Variants in NINL observed in about 807,000 individuals in gnomAD.
The protein encoded by NINL is ninein like.
Under a neutral mutation model 160.3 loss-of-function variants are expected in NINL, and 153 were observed. The ratio of observed to expected loss-of-function variants is 0.95; its 90% CI spans 0.84 to 1.09. The LOEUF (loss-of-function observed/expected upper bound fraction) is 1.09, where lower values mean the gene tolerates loss of function less well. Among genes scored for constraint, NINL ranks in the 50% least tolerant of loss-of-function variants. The pLI is 0.00. For synonymous variants in NINL, 800 were observed against 734.8 expected (o/e 1.09, Z -1.43); for missense variants, 1,829 against 1,764.0 (o/e 1.04, Z -0.66).
rs2063401173 is a variant in NINL, at chr20:25,482,068, A to C, written c.1710T>G (p.Ala570=). Reference sequence around the variant, plus strand: ...GCCGCGCCCACAGGCCTTCCAGCTCAGCTTGCAGCTCATCGTTGCGGTCCT... The same window carrying C: ...GCCGCGCCCACAGGCCTTCCAGCTCCGCTTGCAGCTCATCGTTGCGGTCCT... ...DLQDRNDELQ[A]ELEGLWARLP... Residue 570 remains alanine, a synonymous_variant, in exon 14 of 24, where the codon GCT becomes GCG. Coordinates refer to ENST00000278886, the MANE Select transcript of NINL (RefSeq NM_025176.6). The C allele has an allele frequency of 2.5e-6, 4 of 1,598,360 alleles. No individual in the cohort carries two copies. In the East Asian group the frequency reaches 8.9e-5, roughly 36 times the overall value.
chr20:25,484,106 C>A (rs567113808), intron 13 of NINL, among the ~76,000 whole-genome samples: 2 of 152,216 alleles, frequency 1.3e-5, no homozygotes, highest in Non-Finnish European at 2.9e-5. Flanking sequence ...CCAGCCCACA[C>A]GGCACATCAT....
chr20:25,539,119 T>C (rs2064613172), intron 1 of NINL, among the ~76,000 whole-genome samples: 1 of 152,086 alleles, frequency 6.6e-6, no homozygotes, highest in African/African-American at 2.4e-5. Flanking sequence ...CAGAATCCAG[T>C]GTCCAATTTC....
At chr20:25,536,879 C>G (rs1005057997) in intron 1 of NINL, among the ~76,000 whole-genome samples, 1 of 152,048 alleles carries the variant, frequency 6.6e-6, no homozygotes, top group African/African-American at 2.4e-5. Context: ...CACTGGGGAG[C>G]CTAGAGAGTA....
At chr20:25,495,724 CA>C (rs2063739528) in intron 10 of NINL, among the ~76,000 whole-genome samples, 1 of 152,260 alleles carries the variant, frequency 6.6e-6, no homozygotes, top group African/African-American at 2.4e-5. Flanking sequence ...CCCAGGCAGA[CA>C]TGTGCCCCAC....
At chr20:25,572,933 T>C (rs1350522849) in intron 1 of NINL, among the ~76,000 whole-genome samples, 4 of 152,222 alleles carry the variant, frequency 2.6e-5, no homozygotes, top group Non-Finnish European at 4.4e-5. Context: ...CCATCTGTTA[T>C]AAAACTGAGA....
chr20:25,524,296 G>C (rs73109499), intron 2 of NINL, among the ~76,000 whole-genome samples: 19,781 of 152,262 alleles, frequency 0.13, 2,038 homozygotes, highest in East Asian at 0.57. Flanking sequence ...AAATGTTACA[G>C]AGAGAAGAGA....
intron 1 of NINL, among the ~76,000 whole-genome samples, chr20:25,537,788 G>A (rs2064586128): frequency 6.6e-6 from 1 of 152,164 alleles, no homozygotes; most frequent in African/African-American, 2.4e-5. Flanking sequence ...GGGCGCAGCT[G>A]CCTCAGGACA....
chr20:25,575,481 G>T (rs2065104905), intron 1 of NINL, among the ~76,000 whole-genome samples: 1 of 150,252 alleles, frequency 6.7e-6, no homozygotes, highest in African/African-American at 2.5e-5. Flanking sequence ...GGCCAGGTGT[G>T]GTGGCTTGCG....
At chr20:25,513,588 G>A (rs545068431) in intron 3 of NINL, among the ~76,000 whole-genome samples, 1 of 152,326 alleles carries the variant, frequency 6.6e-6, no homozygotes, top group South Asian at 2.1e-4. Context: ...AGTTAATATA[G>A]TTTGACTTTG....
chr20:25,453,007 C>T lies in NINL; in HGVS notation c.*444G>A, dbSNP rs760518333. 6.5e-6 allele frequency: 1 copy of T among 153,124 alleles called. No homozygotes were observed. The highest frequency in any genetic ancestry group is 2.4e-5 in the African/African-American group (1 of 41,418). 9.5% of individuals were successfully genotyped at this position (153,124 alleles called of 1,614,324 possible). ...TTTCTGGAATGTGTGTACGCACCCT[C>T]CACCAAGAGTTCTAATAAGCTAAGC... On this transcript the variant is annotated 3_prime_UTR_variant, in exon 24 of 24. Transcript: ENST00000278886.
At chr20:25,478,279 G>A (rs1365283517) in intron 16 of NINL, among the ~76,000 whole-genome samples, 1 of 152,160 alleles carries the variant, frequency 6.6e-6, no homozygotes, top group Non-Finnish European at 1.5e-5. Flanking sequence ...GCTGGGGGTG[G>A]CCTGGCCAGT....
At chr20:25,573,068 G>C (rs950941514) in intron 1 of NINL, among the ~76,000 whole-genome samples, 1 of 152,052 alleles carries the variant, frequency 6.6e-6, no homozygotes, top group African/African-American at 2.4e-5. Flanking sequence ...AGGCCGAGGC[G>C]GGCGGATCAC....
intron 1 of NINL, among the ~76,000 whole-genome samples, chr20:25,559,107 G>C (rs571324207): frequency 6.6e-6 from 1 of 152,334 alleles, no homozygotes; most frequent in African/African-American, 2.4e-5. Context: ...ATCACGTGAT[G>C]ACCTGCACAG....
intron 5 of NINL, among the ~76,000 whole-genome samples, chr20:25,507,392 G>A (rs1479957407): frequency 6.6e-6 from 1 of 152,148 alleles, no homozygotes; most frequent in Non-Finnish European, 1.5e-5. Flanking sequence ...TCTTCTTGAT[G>A]TGTTTGAAGC....
At chr20:25,459,613 AC>A (rs1375570252) in intron 21 of NINL, among the ~76,000 whole-genome samples, 1 of 151,682 alleles carries the variant, frequency 6.6e-6, no homozygotes, top group African/African-American at 2.4e-5. Context: ...ACATCTACCC[AC>A]CCAGGAAGGC....
At chr20:25,489,076 G>A (rs1266277606) in intron 13 of NINL, 168 bp downstream of exon 13, 4 of 664,810 alleles carry the variant, frequency 6.0e-6, no homozygotes, top group East Asian at 2.6e-5. Context: ...AGGTGGCAAC[G>A]AGAGCCAGGG....
chr20:25,517,696 C>T (rs2064185649), intron 3 of NINL, 57 bp downstream of exon 3: 5 of 1,309,352 alleles, frequency 3.8e-6, no homozygotes, highest in Non-Finnish European at 5.3e-6. Context: ...TAGAATATTA[C>T]ACTCCAAAAG....
At chr20:25,537,607 C>T (rs1043881841) in intron 1 of NINL, among the ~76,000 whole-genome samples, 1 of 152,156 alleles carries the variant, frequency 6.6e-6, no homozygotes, top group Admixed American at 6.5e-5. Flanking sequence ...GATGCAGCGC[C>T]CCACATGCAC....
At chr20:25,522,248 T>C (rs1487756289) in intron 2 of NINL, among the ~76,000 whole-genome samples, 1 of 152,238 alleles carries the variant, frequency 6.6e-6, no homozygotes, top group Non-Finnish European at 1.5e-5. Context: ...ACTGATTTAT[T>C]TGCTCTTTAC....
Sources: allele counts gnomAD v4.1 joint callset (sites outside exome capture counted in the v4.1 genomes callset), GRCh38; gene constraint gnomAD v4.1.1; transcripts MANE v1.5; gene names NCBI Gene and HGNC (gene_info 2026-07-23, HGNC 2026-07-21).